The following FGF1 variants were observed in gnomAD, a reference collection of about 807,000 sequenced individuals.
FGF1 encodes the protein fibroblast growth factor 1, also known as beta-endothelial cell growth factor.
FGF1 carries 9 observed loss-of-function variants against 13.4 expected under a neutral mutation model. The ratio of observed to expected loss-of-function variants is 0.67; its 90% CI spans 0.40 to 1.17. The LOEUF (loss-of-function observed/expected upper bound fraction) is 1.17. Among genes scored for constraint, FGF1 ranks in the 50% most tolerant of loss-of-function variants. The probability of loss-of-function intolerance (pLI) is 0.01; values close to 1 mark genes in which losing one functional copy is unlikely to be tolerated. For synonymous variants in FGF1, 93 were observed against 79.0 expected, an observed-to-expected ratio of 1.18 and a Z score of -0.94; for missense variants, 156 against 192.7, an observed-to-expected ratio of 0.81 and a Z score of 1.13.
chr5:142,614,225 G>T, intron 1 of FGF1, 64 bp from the exon 2 acceptor site: 1 of 1,340,566 alleles, frequency 7.5e-7, no homozygotes. Flanking sequence ...GCACTTTGAA[G>T]AGAGGAAGGA....
rs573404619 is a variant in FGF1 at position 142,682,825 on chromosome 5, C to T, written c.-35+3132G>A. 1.8e-3 allele frequency among the ~76,000 whole-genome samples: 276 copies of T among 152,134 alleles called. 2 individuals are homozygous for T. The highest frequency in any genetic ancestry group is 6.3e-3 in the African/African-American group (263 of 41,496). On this transcript the variant is annotated intron_variant, in intron 1 of 3. Transcript: ENST00000337706. ...TTAATAATCAAAATAATTGCTATTC[C>T]TTCCCTCCCCTTTTCTCTCCCTGTA... is the stretch of plus-strand genomic sequence containing the variant.
chr5:142,608,354 C>T (rs1758154974), intron 2 of FGF1, among the ~76,000 whole-genome samples: 1 of 151,854 alleles, frequency 6.6e-6, no homozygotes, highest in Non-Finnish European at 1.5e-5. Flanking sequence ...TGAGGTCAGC[C>T]TCATTCAGAA....
At chr5:142,609,326 G>C (rs1410217022) in intron 2 of FGF1, among the ~76,000 whole-genome samples, 5 of 152,212 alleles carry the variant, frequency 3.3e-5, no homozygotes, top group Non-Finnish European at 7.3e-5. Flanking sequence ...TTGCGTGCTT[G>C]GGGAGCTGAG....
intron 1 of FGF1, among the ~76,000 whole-genome samples, chr5:142,661,391 T>G (rs944946396): frequency 3.3e-5 from 5 of 152,224 alleles, no homozygotes; most frequent in African/African-American, 9.6e-5. Flanking sequence ...ACACTGCTGG[T>G]GGGAATGTAA....
At chr5:142,626,060 T>A (rs952509170) in intron 1 of FGF1, among the ~76,000 whole-genome samples, 1 of 152,230 alleles carries the variant, frequency 6.6e-6, no homozygotes, top group Non-Finnish European at 1.5e-5. Context: ...CCACAAATAA[T>A]AATATAATGA....
chr5:142,618,314 A>C (rs1013304194), intron 1 of FGF1, among the ~76,000 whole-genome samples: 6 of 152,194 alleles, frequency 3.9e-5, no homozygotes, highest in South Asian at 2.1e-4. Flanking sequence ...ACTCTGACAC[A>C]TGAACAGGAT....
chr5:142,637,310 A>C (rs2151942371), intron 1 of FGF1, among the ~76,000 whole-genome samples: 1 of 133,450 alleles, frequency 7.5e-6, no homozygotes, highest in African/African-American at 2.9e-5. Context: ...GAAGTGAAGA[A>C]CCACGGCGTT....
intron 1 of FGF1, among the ~76,000 whole-genome samples, chr5:142,642,446 C>T (rs1765353096): frequency 6.6e-6 from 1 of 152,154 alleles, no homozygotes; most frequent in African/African-American, 2.4e-5. Flanking sequence ...TTGTTTGCAT[C>T]AGCAAACCCA....
chr5:142,632,324 A>T (rs1215160388), intron 1 of FGF1, among the ~76,000 whole-genome samples: 2 of 152,190 alleles, frequency 1.3e-5, no homozygotes, highest in Non-Finnish European at 2.9e-5. Flanking sequence ...AAAATGACTA[A>T]GGAGACTTAA....
At chr5:142,595,532 CACATGGGGGTCCCCATTT>C in intron 3 of FGF1, 48 bp from the exon 4 acceptor site, 1 of 1,511,998 alleles carries the variant, frequency 6.6e-7, no homozygotes, top group Non-Finnish European at 9.1e-7. Flanking sequence ...TGAGTAGTTT[CACATGGGGGTCCCCATTT>C]ACTAGCTGTG....
intron 1 of FGF1, among the ~76,000 whole-genome samples, chr5:142,679,675 T>C (rs1773350709): frequency 6.6e-6 from 1 of 152,154 alleles, no homozygotes; most frequent in Non-Finnish European, 1.5e-5. Context: ...TTACATTTGC[T>C]TCCTTCCTCC....
intron 2 of FGF1, among the ~76,000 whole-genome samples, chr5:142,602,999 T>C (rs1221135470): frequency 2.0e-5 from 3 of 152,162 alleles, no homozygotes; most frequent in African/African-American, 7.2e-5. Flanking sequence ...TCCTCTAGCT[T>C]CCAGTGGCAA....
chr5:142,625,903 T>C lies in FGF1; in HGVS notation c.-34-11742A>G, dbSNP rs1261193219. Among the ~76,000 whole-genome samples, 3 of 152,212 alleles carry C rather than the reference T, an allele frequency of 2.0e-5. No homozygotes were observed. In the East Asian group the frequency reaches 5.8e-4, roughly 29 times the overall value. On this transcript the variant is annotated intron_variant, in intron 1 of 3. Transcript: ENST00000337706. The stretch of plus-strand genomic sequence containing the variant: ...GTCTGTTGGCTGCATCTTTTTTTTC[T>C]TTCCCCTTGACCTAGAAAATTTAGC...
chr5:142,655,849 G>A (rs1431446129), intron 1 of FGF1, among the ~76,000 whole-genome samples: 2 of 152,194 alleles, frequency 1.3e-5, no homozygotes, highest in Admixed American at 6.5e-5. Context: ...TGGTGCAGGG[G>A]AGCCCGCAGC....
At chr5:142,619,156 G>C (rs250112) in intron 1 of FGF1, among the ~76,000 whole-genome samples, 107,746 of 151,250 alleles carry the variant, frequency 0.71, 39,719 homozygotes, top group African/African-American at 0.91. Flanking sequence ...AGATGGTCTC[G>C]ATCTCCTGAC....
chr5:142,618,966 G>T (rs1382635778), intron 1 of FGF1, among the ~76,000 whole-genome samples: 1 of 106,830 alleles, frequency 9.4e-6, no homozygotes. Context: ...ACGGAGTCCC[G>T]CTCTTTAGCC....
intron 1 of FGF1, among the ~76,000 whole-genome samples, chr5:142,617,774 A>C (rs2151886100): frequency 6.6e-6 from 1 of 152,264 alleles, no homozygotes. Context: ...GCTAAAGGAA[A>C]CCCCAGGGGC....
chr5:142,633,922 C>T (rs1236384646), intron 1 of FGF1, among the ~76,000 whole-genome samples: 1 of 152,110 alleles, frequency 6.6e-6, no homozygotes, highest in African/African-American at 2.4e-5. Context: ...TGGTGGCTCA[C>T]GCCTGTAATC....
intron 1 of FGF1, among the ~76,000 whole-genome samples, chr5:142,641,750 A>T (rs1016380389): frequency 1.3e-5 from 2 of 151,948 alleles, no homozygotes; most frequent in East Asian, 3.9e-4. Context: ...ATTAACTCCC[A>T]GGGCTAAGAG....
Sources: allele counts gnomAD v4.1 joint callset (sites outside exome capture counted in the v4.1 genomes callset), GRCh38; gene constraint gnomAD v4.1.1; transcripts MANE v1.5; gene names NCBI Gene and HGNC (gene_info 2026-07-23, HGNC 2026-07-21).